TVP23A: variants seen among roughly 807,000 people sequenced by gnomAD.
The protein encoded by TVP23A is Golgi apparatus membrane protein TVP23 homolog A.
Under a neutral mutation model 31.7 loss-of-function variants are expected in TVP23A, and 21 were observed. The observed-to-expected ratio is 0.66, with a 90% CI of 0.47 to 0.95. The LOEUF is 0.95. Ranked by LOEUF, TVP23A falls within the 40% of genes least tolerant of loss-of-function variation. The pLI, the probability that TVP23A is intolerant of heterozygous loss-of-function variation, is 0.00. For missense variants in TVP23A, 279 were observed against 255.6 expected (o/e 1.09, Z -0.62); for synonymous variants, 104 against 96.0 (o/e 1.08, Z -0.49).
intron 7 of TVP23A, among the ~76,000 whole-genome samples, chr16:10,769,874 G>A (rs1042138608): frequency 3.9e-5 from 6 of 152,156 alleles, no homozygotes; most frequent in Non-Finnish European, 5.9e-5. Flanking sequence ...CACAGGATCT[G>A]AGACCACGTG....
chr16:10,803,261 G>T (rs1016799996), intron 2 of TVP23A, among the ~76,000 whole-genome samples: 3 of 151,682 alleles, frequency 2.0e-5, no homozygotes, highest in Non-Finnish European at 2.9e-5. Flanking sequence ...GTGTGTGTGT[G>T]TGTGTGTGTG....
At position 10,777,814 on chromosome 16, in the gene TVP23A, A is replaced by G. The variant is rs1285869607; in HGVS notation, c.90-2718T>C. Among the ~76,000 whole-genome samples, 2 of 151,900 alleles carry G rather than the reference A, an allele frequency of 1.3e-5. No individual in the cohort carries two copies. Among genetic ancestry groups the G allele is most frequent in the East Asian group, 3.9e-4 (2 of 5,136 alleles). The stretch of plus-strand genomic sequence containing the variant: ...ATCACGAGGTCAAGAGACTGAGACC[A>G]TCCCTGGCCAACATGGTGAAACCCC... On this transcript the variant is annotated intron_variant, in intron 2 of 7. Transcript: ENST00000299866. This position sits in a 1 kb window ranked among gnomAD's most constrained non-coding sequence, Gnocchi z 4.5.
chr16:10,775,642 A>C, intron 2 of TVP23A: 3 of 733,006 alleles, frequency 4.1e-6, no homozygotes, highest in Non-Finnish European at 5.0e-6. Context: ...CATTTAATCT[A>C]GGGGAAGGTG....
rs1010910629 is a variant in TVP23A at position 10,779,630 on chromosome 16, C to G, written c.90-4534G>C. ...AATCAGGCGGCATATTCTTGTGGCC[C>G]AAAAACGAGATGCAGATGAACTGGG... On this transcript the variant is annotated intron_variant, in intron 2 of 7. Transcript: ENST00000299866. The surrounding 1 kb of genome is among the most constrained non-coding windows in gnomAD (Gnocchi z 4.9). Among the ~76,000 whole-genome samples, 2 of 152,190 alleles carry G rather than the reference C, an allele frequency of 1.3e-5. No homozygotes were observed. Among genetic ancestry groups the G allele is most frequent in the Non-Finnish European group, 2.9e-5 (2 of 68,034 alleles).
chr16:10,781,809 A>G (rs1451618141), intron 2 of TVP23A, among the ~76,000 whole-genome samples: 1 of 148,882 alleles, frequency 6.7e-6, no homozygotes, highest in Non-Finnish European at 1.5e-5. Flanking sequence ...CCCTCTGTTC[A>G]CGGTCCAGAA....
chr16:10,775,908 C>G (rs2031983700), intron 2 of TVP23A, among the ~76,000 whole-genome samples: 1 of 151,070 alleles, frequency 6.6e-6, no homozygotes, highest in African/African-American at 2.4e-5. Context: ...GCCACCACGC[C>G]CAGCTAATTT....
intron 2 of TVP23A, among the ~76,000 whole-genome samples, chr16:10,810,978 T>C (rs555935566): frequency 1.3e-5 from 2 of 152,320 alleles, no homozygotes; most frequent in East Asian, 1.9e-4. Context: ...AGATATCCTA[T>C]TGGTTTTGTT....
At chr16:10,771,174 T>A (rs2031587259) in intron 6 of TVP23A, among the ~76,000 whole-genome samples, 2 of 152,214 alleles carry the variant, frequency 1.3e-5, no homozygotes, top group African/African-American at 4.8e-5. Flanking sequence ...AAAGTGGTTA[T>A]ACTTAATGCC....
downstream of TVP23A, among the ~76,000 whole-genome samples, chr16:10,763,366 G>A (rs570805687): frequency 6.4e-4 from 98 of 152,208 alleles, no homozygotes; most frequent in African/African-American, 1.9e-3. Context: ...GGTAGGGTGC[G>A]AGGGCCACTC....
intron 2 of TVP23A, among the ~76,000 whole-genome samples, chr16:10,807,253 T>G (rs1462050888): frequency 6.6e-6 from 1 of 152,064 alleles, no homozygotes; most frequent in Admixed American, 6.6e-5. Context: ...GGGTACCAAT[T>G]AGAGATGTGC....
At chr16:10,796,889 T>C (rs979278270) in intron 2 of TVP23A, among the ~76,000 whole-genome samples, 5 of 152,238 alleles carry the variant, frequency 3.3e-5, no homozygotes, top group East Asian at 1.9e-4. Flanking sequence ...CATTTGAGTA[T>C]TGTGAATTAT....
intron 2 of TVP23A, among the ~76,000 whole-genome samples, chr16:10,782,088 C>T (rs1445972229): frequency 1.3e-5 from 2 of 151,984 alleles, no homozygotes; most frequent in Admixed American, 1.3e-4. Context: ...TCTCGAACTC[C>T]TGACCTCAGG....
chr16:10,793,411 T>C lies in TVP23A; in HGVS notation c.90-18315A>G, dbSNP rs112880362. Among the ~76,000 whole-genome samples the C allele has an allele frequency of 4.4e-3, 669 of 152,256 alleles. 6 individuals carry two copies. The highest frequency in any genetic ancestry group is 0.015 in the African/African-American group (639 of 41,548). On this transcript the variant is annotated intron_variant, in intron 2 of 7. Coordinates refer to ENST00000299866, the MANE Select transcript of TVP23A (RefSeq NM_001079512.4). ...GATGCTGGGCCCAGGCTGGGCCCTG[T>C]GTGTGGCTTCTAACCCTTCACCCTC...
chr16:10,764,132 C>G (rs2030471227), downstream of TVP23A, among the ~76,000 whole-genome samples: 1 of 152,152 alleles, frequency 6.6e-6, no homozygotes, highest in Non-Finnish European at 1.5e-5. Context: ...ACGGGAGCAT[C>G]CCAACTCAAA....
chr16:10,776,988 ATGACC>A (rs1172354574), intron 2 of TVP23A, among the ~76,000 whole-genome samples: 1 of 152,068 alleles, frequency 6.6e-6, no homozygotes, highest in Admixed American at 6.5e-5. Flanking sequence ...CAAGGTCTTT[ATGACC>A]TGTATCCTGT....
chr16:10,763,328 GA>G (rs1292332679), downstream of TVP23A, among the ~76,000 whole-genome samples: 1 of 152,052 alleles, frequency 6.6e-6, no homozygotes, highest in Non-Finnish European at 1.5e-5. Flanking sequence ...AGTGTTGGGG[GA>G]TGGCTGCCTC....
At chr16:10,765,507 CA>C (rs2030744921), downstream of TVP23A, among the ~76,000 whole-genome samples, 1 of 151,544 alleles carries the variant, frequency 6.6e-6, no homozygotes, top group Non-Finnish European at 1.5e-5. The surrounding 1 kb of genome is among the most constrained non-coding windows in gnomAD (Gnocchi z 4.0). Flanking sequence ...GAACCTGTCT[CA>C]AAAAAAAATT....
intron 2 of TVP23A, among the ~76,000 whole-genome samples, chr16:10,798,263 T>C (rs1042338296): frequency 1.3e-5 from 2 of 152,126 alleles, no homozygotes; most frequent in Non-Finnish European, 2.9e-5. Context: ...GGCCTTTTTT[T>C]TCTTTTTTTA....
chr16:10,777,572 C>T lies in TVP23A; in HGVS notation c.90-2476G>A, dbSNP rs2032125465. Among the ~76,000 whole-genome samples the T allele has an allele frequency of 6.7e-6, 1 of 149,730 alleles. No individual in the cohort carries two copies. The highest frequency in any genetic ancestry group is 2.5e-5 in the African/African-American group (1 of 40,432). On this transcript the variant is annotated intron_variant, in intron 2 of 7. Transcript: ENST00000299866. This position sits in a 1 kb window ranked among gnomAD's most constrained non-coding sequence, Gnocchi z 4.5. The stretch of plus-strand genomic sequence containing the variant: ...CGACTCCCAGGGGAATGTTAAGATT[C>T]AGAAGCAGACTTCACAGTGACTTTT...
Sources: gnomAD v4.1 joint callset for allele counts (sites outside exome capture counted in the v4.1 genomes callset) on GRCh38, gnomAD v4.1.1 for gene constraint, Gnocchi (gnomAD v3.1) non-coding constraint, MANE v1.5 for transcripts, NCBI Gene and HGNC (gene_info 2026-07-23, HGNC 2026-07-21) for gene names.